The following HDAC8 variants were observed in gnomAD, a reference collection of about 807,000 sequenced individuals.
HDAC8 encodes the protein histone deacetylase 8.
In HDAC8, 1 loss-of-function variant was observed where a neutral mutation model predicts 32.2. The ratio of observed to expected loss-of-function variants is 0.03; its 90% CI spans 0.01 to 0.15. The LOEUF is 0.15. Among genes scored for constraint, HDAC8 ranks in the 10% least tolerant of loss-of-function variants. HDAC8 has a pLI of 1.00. For missense variants in HDAC8, 117 were observed against 300.0 expected, an observed-to-expected ratio of 0.39 and a Z score of 4.51; for synonymous variants, 108 against 113.9, an observed-to-expected ratio of 0.95 and a Z score of 0.33.
chrX:72,435,571 T>C (rs1460207269), intron 9 of HDAC8, among the ~76,000 whole-genome samples: 4 of 110,654 alleles, frequency 3.6e-5, no homozygotes, highest in African/African-American at 1.3e-4. Context: ...ATAGAAAACA[T>C]AATGAAAAAC....
intron 9 of HDAC8, among the ~76,000 whole-genome samples, chrX:72,393,599 G>A (rs2045673308): frequency 9.0e-6 from 1 of 111,670 alleles, no homozygotes; most frequent in Admixed American, 9.5e-5. Context: ...TTTTGTGACA[G>A]CTTCTTTGGG....
chrX:72,534,803 A>T (rs2050470123), intron 4 of HDAC8, among the ~76,000 whole-genome samples: 1 of 112,263 alleles, frequency 8.9e-6, no homozygotes, highest in Admixed American at 9.4e-5. Flanking sequence ...ACATGGAAAG[A>T]TGGAGAAAAC....
intron 9 of HDAC8, among the ~76,000 whole-genome samples, chrX:72,455,554 G>A: frequency 8.9e-6 from 1 of 111,867 alleles, no homozygotes; most frequent in East Asian, 2.8e-4. Context: ...TGGACATTTG[G>A]CAAATATTTT....
intron 7 of HDAC8, among the ~76,000 whole-genome samples, chrX:72,465,168 G>A (rs938238842): frequency 9.0e-6 from 1 of 111,577 alleles, no homozygotes; most frequent in African/African-American, 3.3e-5. Flanking sequence ...CTGGTTCTCA[G>A]TGGGGGCTGG....
Position 72,523,999 on chromosome X carries a change from T to C in HDAC8, c.438-28731A>G, listed in dbSNP as rs782122498. 2.1e-4 allele frequency among the ~76,000 whole-genome samples: 24 copies of C among 112,169 alleles called. 1 individual carries two copies. Among genetic ancestry groups the C allele is most frequent in the Admixed American group, 1.7e-3 (18 of 10,645 alleles). On this transcript the variant is annotated intron_variant, in intron 4 of 10. Transcript: ENST00000373573. ...ACTAGCCCACAGGCCAAACCCAGCC[T>C]GTCATGTGTTTCTGTAAATGAAGTT... is the stretch of plus-strand genomic sequence containing the variant.
chrX:72,551,079 GCACACA>G (rs56118046), intron 4 of HDAC8, among the ~76,000 whole-genome samples: 54 of 96,430 alleles, frequency 5.6e-4, no homozygotes, highest in African/African-American at 1.0e-3. Context: ...TGAAGTCAGC[GCACACA>G]CACACACACA....
chrX:72,544,509 T>C (rs1361293663), intron 4 of HDAC8, among the ~76,000 whole-genome samples: 4 of 111,170 alleles, frequency 3.6e-5, no homozygotes, highest in Non-Finnish European at 7.5e-5. Context: ...TATCAAGGGA[T>C]TGCTGATGTT....
chrX:72,347,185 G>C (rs1238344764), intron 10 of HDAC8, among the ~76,000 whole-genome samples: 1 of 111,638 alleles, frequency 9.0e-6, no homozygotes, highest in East Asian at 2.8e-4. Context: ...TTCCTTATCT[G>C]TAAGATAAAT....
In HDAC8 at chrX:72,329,993, C is replaced by G. The variant is rs373200530; in HGVS notation, c.*61G>C. On this transcript the variant is annotated 3_prime_UTR_variant, in exon 11 of 11. Transcript: ENST00000373573. ...AAATTCCACAAACTGCTTGCATAAA[C>G]ACGCTGTCTTCATTATAGGCACCAC... 151 of 1,048,300 alleles carry G rather than the reference C, an allele frequency of 1.4e-4. No individual in the cohort carries two copies. Among genetic ancestry groups the G allele is most frequent in the Non-Finnish European group, 1.9e-4 (147 of 754,518 alleles). The allele number at this position is 1,048,300 out of a possible 1,213,427, so 86.4% of individuals were successfully genotyped here. A position where few individuals can be genotyped will look rare whatever the true frequency, so the allele number is the denominator to read the frequency against.
intron 9 of HDAC8, among the ~76,000 whole-genome samples, chrX:72,442,336 C>T (rs2047182961): frequency 1.8e-5 from 2 of 111,728 alleles, no homozygotes; most frequent in African/African-American, 6.5e-5. Flanking sequence ...CAGCGGATCT[C>T]TCGGCAGAAA....
At chrX:72,331,656 T>A (rs1235394661) in intron 10 of HDAC8, among the ~76,000 whole-genome samples, 1 of 109,842 alleles carries the variant, frequency 9.1e-6, no homozygotes, top group Admixed American at 9.7e-5. Context: ...TGCAGAGAGG[T>A]TCTACACACC....
chrX:72,463,852 A>C (rs1009850014), intron 8 of HDAC8, among the ~76,000 whole-genome samples: 1 of 111,907 alleles, frequency 8.9e-6, no homozygotes, highest in Admixed American at 9.5e-5. Flanking sequence ...TTAACACACC[A>C]ATCTATTCAT....
At chrX:72,525,369 G>T (rs7065407) in intron 4 of HDAC8, among the ~76,000 whole-genome samples, 1 of 110,072 alleles carries the variant, frequency 9.1e-6, no homozygotes, top group African/African-American at 3.3e-5. Context: ...CACGACTCCA[G>T]TGCCTTCTCT....
chrX:72,335,363 A>T (rs1263189974), intron 10 of HDAC8, among the ~76,000 whole-genome samples: 1 of 111,694 alleles, frequency 9.0e-6, no homozygotes, highest in African/African-American at 3.3e-5. Flanking sequence ...CCTTCCTTTC[A>T]CTGAAGCCCG....
intron 9 of HDAC8, among the ~76,000 whole-genome samples, chrX:72,394,889 C>G (rs1449587260): frequency 9.0e-6 from 1 of 111,501 alleles, no homozygotes; most frequent in Non-Finnish European, 1.9e-5. Context: ...TGATTATTTT[C>G]ACCATAAAAT....
chrX:72,378,045 T>G (rs1249521652), intron 9 of HDAC8, among the ~76,000 whole-genome samples: 1 of 111,071 alleles, frequency 9.0e-6, no homozygotes, highest in Non-Finnish European at 1.9e-5. Context: ...TGTATATTTT[T>G]TTTTTTAGTG....
chrX:72,572,596 A>ACCCCCC, intron 1 of HDAC8, 55 bp downstream of exon 1: 4 of 316,324 alleles, frequency 1.3e-5, no homozygotes, highest in South Asian at 4.3e-5. Flanking sequence ...TCTTTCGTCC[A>ACCCCCC]CCGCCCCCAC....
At chrX:72,484,430 C>T (rs1211555480) in intron 7 of HDAC8, among the ~76,000 whole-genome samples, 2 of 111,741 alleles carry the variant, frequency 1.8e-5, no homozygotes, top group African/African-American at 6.5e-5. Flanking sequence ...ATGTATCTTC[C>T]TTTTGGTGAA....
At position 72,509,351 on chromosome X, in the gene HDAC8, C is replaced by T. The variant is rs782566691; in HGVS notation, c.438-14083G>A. 6.0e-4 allele frequency among the ~76,000 whole-genome samples: 67 copies of T among 110,993 alleles called. 1 individual carries two copies. The highest frequency in any genetic ancestry group is 4.6e-3 in the Middle Eastern group (1 of 217). On this transcript the variant is annotated intron_variant, in intron 4 of 10. Coordinates refer to ENST00000373573, the MANE Select transcript of HDAC8 (RefSeq NM_018486.3). ...CTTGAACTCCTGATCTCAAGTGATC[C>T]GCCAGCCTCGGCCTCCCAAAGTGCT...
Sources: gnomAD v4.1 joint callset for allele counts (sites outside exome capture counted in the v4.1 genomes callset) on GRCh38, gnomAD v4.1.1 for gene constraint, MANE v1.5 for transcripts, NCBI Gene and HGNC (gene_info 2026-07-23, HGNC 2026-07-21) for gene names.